PRKG1: variants seen among roughly 807,000 people sequenced by gnomAD.
PRKG1 encodes the protein protein kinase cGMP-dependent 1.
In PRKG1, 35 loss-of-function variants were observed where a neutral mutation model predicts 88.1. That is an observed-to-expected ratio of 0.40 (90% CI 0.30 to 0.53). The LOEUF (loss-of-function observed/expected upper bound fraction) is 0.53, where lower values mean the gene tolerates loss of function less well. Among genes scored for constraint, PRKG1 ranks in the 20% least tolerant of loss-of-function variants. PRKG1 has a pLI of 0.59. For synonymous variants in PRKG1, 303 were observed against 292.5 expected, an observed-to-expected ratio of 1.04 and a Z score of -0.37; for missense variants, 540 against 839.8, an observed-to-expected ratio of 0.64 and a Z score of 4.41.
At chr10:51,162,417 C>T (rs1341513240) in intron 2 of PRKG1, among the ~76,000 whole-genome samples, 3 of 152,194 alleles carry the variant, frequency 2.0e-5, no homozygotes, top group Non-Finnish European at 4.4e-5. Context: ...CTTCTATAAA[C>T]TCCTTTCTGA....
At chr10:52,244,129 C>T (rs1265940954) in intron 9 of PRKG1, among the ~76,000 whole-genome samples, 1 of 151,986 alleles carries the variant, frequency 6.6e-6, no homozygotes, top group Non-Finnish European at 1.5e-5. Context: ...GGTGATTACA[C>T]CTAGATGCTG....
At chr10:51,168,492 T>C (rs529655701) in intron 2 of PRKG1, among the ~76,000 whole-genome samples, 1 of 152,318 alleles carries the variant, frequency 6.6e-6, no homozygotes, top group African/African-American at 2.4e-5. Flanking sequence ...TCCATTTTAA[T>C]ATCAAATAGA....
At chr10:51,383,652 T>G (rs1837173016) in intron 2 of PRKG1, among the ~76,000 whole-genome samples, 1 of 152,178 alleles carries the variant, frequency 6.6e-6, no homozygotes, top group Non-Finnish European at 1.5e-5. Context: ...TTGACTGACC[T>G]GTCCCATATC....
chr10:51,363,501 G>T (rs938817671), intron 2 of PRKG1, among the ~76,000 whole-genome samples: 11 of 151,950 alleles, frequency 7.2e-5, no homozygotes, highest in African/African-American at 2.4e-4. Context: ...ACAAGAAGGG[G>T]GAAGTGAAAT....
At chr10:52,088,109 G>A (rs1035842991) in intron 7 of PRKG1, among the ~76,000 whole-genome samples, 45 of 152,018 alleles carry the variant, frequency 3.0e-4, no homozygotes, top group African/African-American at 1.0e-3. Context: ...TCTGTGGATG[G>A]GACATCATTC....
rs7923894 is a variant in PRKG1 at position 51,799,037 on chromosome 10, C to T, written c.593-5548C>T. Among the ~76,000 whole-genome samples, 185 of 152,068 alleles carry T rather than the reference C, an allele frequency of 1.2e-3. 1 individual carries two copies. The highest frequency in any genetic ancestry group is 4.3e-3 in the African/African-American group (177 of 41,520). On this transcript the variant is annotated intron_variant, in intron 3 of 17. Coordinates refer to ENST00000373980, the MANE Select transcript of PRKG1 (RefSeq NM_006258.4). ...TTCATCTACCTCTCTAGCTTCTTTG[C>T]CATTACCAAGGTCCACCCACCTGAA... is the stretch of plus-strand genomic sequence containing the variant.
At chr10:52,037,613 A>AC (rs1845651005) in intron 5 of PRKG1, among the ~76,000 whole-genome samples, 1 of 152,148 alleles carries the variant, frequency 6.6e-6, no homozygotes, top group Non-Finnish European at 1.5e-5. Flanking sequence ...TTTGGGATAA[A>AC]GAAAAAGGAG....
chr10:51,311,344 G>T (rs1256462078), intron 2 of PRKG1, among the ~76,000 whole-genome samples: 1 of 152,196 alleles, frequency 6.6e-6, no homozygotes, highest in Non-Finnish European at 1.5e-5. Context: ...ATCCTTCAGT[G>T]TCATGAGTTC....
At chr10:51,522,795 T>C (rs79659203) in intron 3 of PRKG1, among the ~76,000 whole-genome samples, 1,702 of 152,252 alleles carry the variant, frequency 0.011, 24 homozygotes, top group African/African-American at 0.039. Flanking sequence ...GTGTCAATCA[T>C]AGGCAATTCT....
intron 1 of PRKG1, among the ~76,000 whole-genome samples, chr10:51,028,506 G>A (rs1479395967): frequency 6.6e-6 from 1 of 152,006 alleles, no homozygotes; most frequent in African/African-American, 2.4e-5. Context: ...GCAGTCAGAT[G>A]GGGAAACAAC....
At chr10:52,069,219 T>A (rs966363121) in intron 7 of PRKG1, among the ~76,000 whole-genome samples, 1 of 152,180 alleles carries the variant, frequency 6.6e-6, no homozygotes, top group South Asian at 2.1e-4. Flanking sequence ...CTGATGTATA[T>A]TTTTTTCTTT....
chr10:51,950,929 G>C (rs1029812118), intron 5 of PRKG1, among the ~76,000 whole-genome samples: 26 of 152,372 alleles, frequency 1.7e-4, no homozygotes, highest in Non-Finnish European at 3.1e-4. Context: ...GAGCGGACGT[G>C]GGGGTGGTCC....
At chr10:51,496,101 T>A (rs2132881684) in intron 3 of PRKG1, among the ~76,000 whole-genome samples, 1 of 152,242 alleles carries the variant, frequency 6.6e-6, no homozygotes, top group South Asian at 2.1e-4. Flanking sequence ...GAGTACATAT[T>A]TGTTTGATAT....
At chr10:51,663,651 AG>A (rs1840352748) in intron 3 of PRKG1, among the ~76,000 whole-genome samples, 1 of 143,662 alleles carries the variant, frequency 7.0e-6, no homozygotes, top group Non-Finnish European at 1.5e-5. Context: ...CAGAAGTTTG[AG>A]GTTGCAGTGA....
chr10:51,990,612 A>G (rs1844280073), intron 5 of PRKG1, among the ~76,000 whole-genome samples: 1 of 152,012 alleles, frequency 6.6e-6, no homozygotes, highest in South Asian at 2.1e-4. Flanking sequence ...CAAGTTTGTT[A>G]TGTAGGTAAA....
intron 3 of PRKG1, among the ~76,000 whole-genome samples, chr10:51,525,384 T>C (rs1215479885): frequency 6.6e-6 from 1 of 152,114 alleles, no homozygotes; most frequent in East Asian, 1.9e-4. Flanking sequence ...CACTTCAAAA[T>C]AATATGGCGT....
chr10:52,104,114 A>T (rs142777297), intron 7 of PRKG1, among the ~76,000 whole-genome samples: 1 of 150,976 alleles, frequency 6.6e-6, no homozygotes. Flanking sequence ...TAGCTGTCCT[A>T]TCTGAACAAA....
At chr10:51,448,708 A>G (rs1436553569) in intron 2 of PRKG1, among the ~76,000 whole-genome samples, 1 of 151,988 alleles carries the variant, frequency 6.6e-6, no homozygotes, top group Non-Finnish European at 1.5e-5. Flanking sequence ...AAAAAGATAG[A>G]AATCTTGGGA....
At chr10:51,780,165 G>A (rs1231619601) in intron 3 of PRKG1, among the ~76,000 whole-genome samples, 1 of 152,082 alleles carries the variant, frequency 6.6e-6, no homozygotes, top group East Asian at 1.9e-4. Flanking sequence ...TCTGCTGTTA[G>A]GGGTGGGTTT....
Sources: gnomAD v4.1 joint callset for allele counts (sites outside exome capture counted in the v4.1 genomes callset) on GRCh38, gnomAD v4.1.1 for gene constraint, MANE v1.5 for transcripts, NCBI Gene and HGNC (gene_info 2026-07-23, HGNC 2026-07-21) for gene names.